Variants in ACAA2 observed in about 807,000 individuals in gnomAD.
The protein encoded by ACAA2 is 3-ketoacyl-CoA thiolase, mitochondrial.
A neutral mutation model predicts 44.8 loss-of-function variants in ACAA2; 35 were observed. The observed-to-expected ratio is 0.78, with a 90% CI of 0.60 to 1.04. The LOEUF is 1.04. Among genes scored for constraint, ACAA2 ranks in the 50% least tolerant of loss-of-function variants. The pLI, the probability that ACAA2 is intolerant of heterozygous loss-of-function variation, is 0.00. For missense variants in ACAA2, 468 were observed against 482.6 expected (o/e 0.97, Z 0.28); for synonymous variants, 142 against 166.5 (o/e 0.85, Z 1.13).
intron 7 of ACAA2, among the ~76,000 whole-genome samples, chr18:49,788,849 G>C (rs575153519): frequency 1.3e-5 from 2 of 152,256 alleles, no homozygotes; most frequent in African/African-American, 4.8e-5. Flanking sequence ...CTTCAGGAAG[G>C]TTTAGTATTC....
chr18:49,806,217 G>C (rs993207331), intron 1 of ACAA2, among the ~76,000 whole-genome samples: 1 of 152,164 alleles, frequency 6.6e-6, no homozygotes, highest in African/African-American at 2.4e-5. Flanking sequence ...AGTCTTACTG[G>C]CTTGAAGAAT....
intron 6 of ACAA2, 111 bp from the exon 7 acceptor site, chr18:49,791,710 GCA>G: frequency 9.2e-7 from 1 of 1,088,766 alleles, no homozygotes; most frequent in Non-Finnish European, 1.3e-6. Context: ...GGAAGCCAGT[GCA>G]CAGTGTGAGA....
intron 5 of ACAA2, among the ~76,000 whole-genome samples, chr18:49,793,515 T>C (rs1287364671): frequency 1.3e-5 from 2 of 152,206 alleles, no homozygotes; most frequent in African/African-American, 2.4e-5. Context: ...TCTTCCACTA[T>C]GAACATATAA....
At chr18:49,787,945 G>A (rs1051840652) in intron 7 of ACAA2, among the ~76,000 whole-genome samples, 1 of 152,160 alleles carries the variant, frequency 6.6e-6, no homozygotes, top group African/African-American at 2.4e-5. Context: ...ACAAGAAATA[G>A]CAGTATCTCC....
rs2023695677 is a variant in ACAA2 at position 49,813,469 on chromosome 18, C to T, written c.16G>A (p.Gly6Ser). ...GAGAGGAGGAGGGGGCTGCGCTCAC[C>T]TCGGAGCAGAGCCATGGCGGCTGCT... is the stretch of plus-strand genomic sequence containing the variant. MALLRGVFVVAAKRTP... is the reference protein window; with the variant it reads MALLRSVFVVAAKRTP... The change falls in exon 1 of 10, where the codon GGT (glycine) becomes AGT (serine). Residue 6 changes from glycine (G) to serine (S), a missense_variant and splice_region_variant. Coordinates refer to ENST00000285093, the MANE Select transcript of ACAA2 (RefSeq NM_006111.3). 3 of 1,242,532 alleles carry T rather than the reference C, an allele frequency of 2.4e-6. No individual in the cohort carries two copies. The highest frequency in any genetic ancestry group is 3.0e-6 in the Non-Finnish European group (3 of 988,096). The allele number at this position is 1,242,532 out of a possible 1,614,324, so 77.0% of individuals were successfully genotyped here.
chr18:49,800,203 C>T lies in ACAA2; in HGVS notation c.183+2484G>A, dbSNP rs1359670924. On this transcript the variant is annotated intron_variant, in intron 2 of 9. Coordinates refer to ENST00000285093, the MANE Select transcript of ACAA2 (RefSeq NM_006111.3). ...GGGGTCAGCCCCCCGCCCGGCCAGC[C>T]GCCCCGTCCGGGAGGTGGGGGGGTC... Among the ~76,000 whole-genome samples, 17 of 143,572 alleles carry T rather than the reference C, an allele frequency of 1.2e-4. No individual in the cohort carries two copies. In the East Asian group the frequency reaches 2.2e-3, roughly 18 times the overall value. The allele number at this position is 143,572 out of a possible 152,430, so 94.2% of individuals were successfully genotyped here.
At chr18:49,809,258 GT>G (rs1251182246) in intron 1 of ACAA2, among the ~76,000 whole-genome samples, 1 of 152,126 alleles carries the variant, frequency 6.6e-6, no homozygotes, top group Admixed American at 6.6e-5. Context: ...TCAAACACAC[GT>G]TTTACAATCA....
At chr18:49,792,723 G>A (rs1439314705) in intron 5 of ACAA2, among the ~76,000 whole-genome samples, 6 of 152,170 alleles carry the variant, frequency 3.9e-5, no homozygotes, top group Admixed American at 2.0e-4. Flanking sequence ...TGGGATTACA[G>A]ATATGAGCCA....
chr18:49,797,265 CTT>C (rs11392686), intron 3 of ACAA2, among the ~76,000 whole-genome samples, 199 bp downstream of exon 3: 9 of 143,810 alleles, frequency 6.3e-5, no homozygotes, highest in Admixed American at 5.5e-4. Context: ...TCATTATTAG[CTT>C]TTTTTTTTTT....
At chr18:49,804,592 G>T (rs1484054990) in intron 1 of ACAA2, among the ~76,000 whole-genome samples, 1 of 152,088 alleles carries the variant, frequency 6.6e-6, no homozygotes, top group African/African-American at 2.4e-5. Context: ...AGACACTGTA[G>T]TTTGCCAACA....
At chr18:49,801,467 C>A (rs1419492402) in intron 2 of ACAA2, among the ~76,000 whole-genome samples, 1 of 152,032 alleles carries the variant, frequency 6.6e-6, no homozygotes, top group African/African-American at 2.4e-5. Context: ...TGTTCTAATG[C>A]CTTCTTAGGT....
At chr18:49,802,903 T>A (rs1322678994) in intron 1 of ACAA2, 50 bp from the exon 2 acceptor site, 2 of 1,576,368 alleles carry the variant, frequency 1.3e-6, no homozygotes, top group South Asian at 2.2e-5. Context: ...AGTAAATACC[T>A]CTAAATGCTT....
chr18:49,799,365 C>T (rs1416531896), intron 2 of ACAA2, among the ~76,000 whole-genome samples: 1 of 151,814 alleles, frequency 6.6e-6, no homozygotes, highest in Non-Finnish European at 1.5e-5. Context: ...CAGGCACGCG[C>T]CGCCACGCCT....
In ACAA2 at chr18:49,802,998, T is replaced by C. The variant is rs375934799; in HGVS notation, c.17-145A>G. 6.3e-5 allele frequency: 58 copies of C among 927,746 alleles called. No homozygotes were observed. The Middle Eastern group carries it at 2.0e-3, about 32-fold the overall frequency. The allele number at this position is 927,746 out of a possible 1,614,324, so 57.5% of individuals were successfully genotyped here. A position where few individuals can be genotyped will look rare whatever the true frequency, so the allele number is the denominator to read the frequency against. ...AGGCAATAATACCTAGAACAAGTCA[T>C]ACCCATGGAAGCAGAGTCTTAAGGA... On this transcript the variant is annotated intron_variant, in intron 1 of 9. Transcript: ENST00000285093.
At chr18:49,800,729 T>C (rs1261722277) in intron 2 of ACAA2, among the ~76,000 whole-genome samples, 1 of 152,078 alleles carries the variant, frequency 6.6e-6, no homozygotes, top group Non-Finnish European at 1.5e-5. Flanking sequence ...CACCACTCCC[T>C]AATCTCAAGT....
intron 5 of ACAA2, 99 bp downstream of exon 5, chr18:49,794,181 G>T (rs1300764503): frequency 4.6e-6 from 4 of 861,424 alleles, no homozygotes; most frequent in East Asian, 6.6e-5. Context: ...ATTCTTAAAG[G>T]TATGATTTGT....
At chr18:49,787,836 G>GCAGA (rs2143948276) in intron 7 of ACAA2, among the ~76,000 whole-genome samples, 1 of 152,224 alleles carries the variant, frequency 6.6e-6, no homozygotes, top group Admixed American at 6.5e-5. Context: ...AAAGAGCAAG[G>GCAGA]CAGACTGAGT....
intron 1 of ACAA2, among the ~76,000 whole-genome samples, chr18:49,805,870 C>CA (rs759969309): frequency 2.0e-5 from 3 of 152,054 alleles, no homozygotes; most frequent in Non-Finnish European, 4.4e-5. Flanking sequence ...GGATTATAGG[C>CA]ATGAGCTACT....
At chr18:49,788,537 A>C (rs946425665) in intron 7 of ACAA2, among the ~76,000 whole-genome samples, 1 of 152,232 alleles carries the variant, frequency 6.6e-6, no homozygotes, top group African/African-American at 2.4e-5. Flanking sequence ...CTGATTTACT[A>C]CAGGATCTGA....
Sources: gnomAD v4.1 joint callset for allele counts (sites outside exome capture counted in the v4.1 genomes callset) on GRCh38, gnomAD v4.1.1 for gene constraint, MANE v1.5 for transcripts, NCBI Gene and HGNC (gene_info 2026-07-23, HGNC 2026-07-21) for gene names.